UBR3: variants seen among roughly 807,000 people sequenced by gnomAD.
UBR3 encodes E3 ubiquitin-protein ligase UBR3.
A neutral mutation model predicts 243.2 loss-of-function variants in UBR3; 85 were observed. That is an observed-to-expected ratio of 0.35 (90% confidence interval 0.29 to 0.42). The LOEUF (loss-of-function observed/expected upper bound fraction) is 0.42. Among genes scored for constraint, UBR3 ranks in the 10% least tolerant of loss-of-function variants. The pLI, the probability that UBR3 is intolerant of heterozygous loss-of-function variation, is 1.00. For missense variants in UBR3, 1,686 were observed against 2,300.8 expected (o/e 0.73, Z 5.47); for synonymous variants, 748 against 799.8 (o/e 0.94, Z 1.09).
intron 1 of UBR3, among the ~76,000 whole-genome samples, chr2:169,840,290 C>T (rs891517222): frequency 6.6e-6 from 1 of 152,290 alleles, no homozygotes; most frequent in Admixed American, 6.5e-5. Flanking sequence ...GTTTTACTGT[C>T]TGCTCTTTCT....
At chr2:169,872,026 T>C (rs2083455198) in intron 1 of UBR3, among the ~76,000 whole-genome samples, 1 of 152,144 alleles carries the variant, frequency 6.6e-6, no homozygotes, top group African/African-American at 2.4e-5. Context: ...TAACTATTAA[T>C]AGTATGGGTC....
intron 30 of UBR3, among the ~76,000 whole-genome samples, chr2:170,021,174 G>A (rs555012280): frequency 7.2e-5 from 11 of 152,226 alleles, no homozygotes; most frequent in African/African-American, 2.4e-4. Flanking sequence ...TCTATAGATT[G>A]TAAATCTCAA....
intron 30 of UBR3, among the ~76,000 whole-genome samples, 178 bp from the exon 31 acceptor site, chr2:170,029,168 A>G (rs1007132348): frequency 6.6e-6 from 1 of 152,072 alleles, no homozygotes; most frequent in African/African-American, 2.4e-5. Context: ...TTATTTGGAT[A>G]TGTATTTCAG....
intron 1 of UBR3, among the ~76,000 whole-genome samples, chr2:169,859,429 G>A (rs2083008419): frequency 6.6e-6 from 1 of 152,010 alleles, no homozygotes; most frequent in Non-Finnish European, 1.5e-5. Context: ...TTTTGGATCT[G>A]CAATTTTAGT....
intron 1 of UBR3, among the ~76,000 whole-genome samples, chr2:169,830,009 G>A (rs919220762): frequency 6.6e-6 from 1 of 151,502 alleles, no homozygotes; most frequent in Non-Finnish European, 1.5e-5. Flanking sequence ...GCATTTTTTG[G>A]TTATCTTAGA....
At chr2:169,843,758 T>C (rs183353732) in intron 1 of UBR3, among the ~76,000 whole-genome samples, 276 of 152,324 alleles carry the variant, frequency 1.8e-3, no homozygotes, top group African/African-American at 6.3e-3. Flanking sequence ...TTTTCTTCTT[T>C]TGCAATATCT....
In UBR3 at chr2:169,877,571, C is replaced by A. The variant is rs2083663194; in HGVS notation, c.922C>A (p.Pro308Thr). Residue 308 changes from proline (P) to threonine (T), a missense_variant, in exon 4 of 39, where the codon CCT (proline) becomes ACT (threonine). By Grantham distance (38) the Pro-to-Thr change is conservative. Around this residue, in one of 8 missense-constraint regions of UBR3, gnomAD observed 200 missense variants for 231.6 expected, o/e 0.86. Transcript: ENST00000272793. ...TTTAAAGAGCTCTGGACTTACATAT[C>A]CTGAGGATAAGCTTGTATATGGTGT... ...IALKSSGLTYPEDKLVYGVQE... is the reference protein window; with the variant it reads ...IALKSSGLTYTEDKLVYGVQE... 3 of 1,549,574 alleles carry A rather than the reference C, an allele frequency of 1.9e-6. No individual in the cohort carries two copies. Among genetic ancestry groups the A allele is most frequent in the African/African-American group, 2.7e-5 (2 of 72,908 alleles).
At position 169,890,549 on chromosome 2, in the gene UBR3, A is replaced by ATGTGTG. The variant is rs1553504463; in HGVS notation, c.1039-615_1039-614insGTGTGT. Among the ~76,000 whole-genome samples the ATGTGTG allele has an allele frequency of 1.0e-4, 6 of 59,266 alleles. 3 individuals carry two copies. The highest frequency in any genetic ancestry group is 1.3e-3 in the South Asian group (2 of 1,568). The allele number at this position is 59,266 out of a possible 152,430, so 38.9% of individuals were successfully genotyped here. On this transcript the variant is annotated intron_variant, in intron 5 of 38. Coordinates refer to ENST00000272793, the MANE Select transcript of UBR3 (RefSeq NM_172070.4). Reference sequence around the variant, plus strand: ...AGGAGAGAGAGAGAGAGATATATATATATATATATATATATGTGTATATAT... The same window carrying ATGTGTG: ...AGGAGAGAGAGAGAGAGATATATATATGTGTGTATATATATATATATGTGTATATAT...
chr2:170,061,772 T>C (rs2091463082), intron 35 of UBR3, among the ~76,000 whole-genome samples: 1 of 152,184 alleles, frequency 6.6e-6, no homozygotes, highest in East Asian at 1.9e-4. Context: ...TAGCCAAGCC[T>C]TGTTTTTATA....
chr2:169,844,501 T>C (rs2082402158), intron 1 of UBR3, among the ~76,000 whole-genome samples: 1 of 150,956 alleles, frequency 6.6e-6, no homozygotes, highest in South Asian at 2.1e-4. Flanking sequence ...TCTTTTTTTT[T>C]TTTTTTTTTT....
At position 170,048,498 on chromosome 2, in the gene UBR3, G is replaced by A. The variant is rs372486574; in HGVS notation, c.4661-6962G>A. ...TGACTCTTCCTATAGCTTATTGAAC[G>A]TGTACACTTAGCCACCCTATTTAGC... is the stretch of plus-strand genomic sequence containing the variant. On this transcript the variant is annotated intron_variant, in intron 32 of 38. Transcript: ENST00000272793. Among the ~76,000 whole-genome samples, 36 of 152,226 alleles carry A rather than the reference G, an allele frequency of 2.4e-4. No homozygotes were observed. The South Asian group carries it at 7.1e-3, about 30-fold the overall frequency.
At chr2:169,841,838 G>A (rs10175797) in intron 1 of UBR3, among the ~76,000 whole-genome samples, 2 of 152,140 alleles carry the variant, frequency 1.3e-5, no homozygotes, top group African/African-American at 2.4e-5. Context: ...GCTCCTGTGC[G>A]GTCTGAGCTT....
intron 35 of UBR3, 78 bp from the exon 36 acceptor site, chr2:170,073,350 T>G: frequency 1.3e-6 from 2 of 1,521,136 alleles, no homozygotes; most frequent in Non-Finnish European, 1.8e-6. Context: ...TCAAAGTAAT[T>G]GATGAGGGTG....
At chr2:169,881,505 A>G (rs4668178) in intron 5 of UBR3, among the ~76,000 whole-genome samples, 8,638 of 151,516 alleles carry the variant, frequency 0.057, 456 homozygotes, top group African/African-American at 0.14. Flanking sequence ...TTTATAGTTT[A>G]TATATTGATC....
intron 23 of UBR3, among the ~76,000 whole-genome samples, chr2:169,953,478 G>A (rs1397229923): frequency 6.6e-6 from 1 of 152,190 alleles, no homozygotes; most frequent in Admixed American, 6.5e-5. Flanking sequence ...GTAATAAAAT[G>A]CAGCTTCAAT....
chr2:170,068,751 A>G (rs2091634969), intron 35 of UBR3, among the ~76,000 whole-genome samples: 1 of 152,118 alleles, frequency 6.6e-6, no homozygotes, highest in Non-Finnish European at 1.5e-5. Flanking sequence ...AAGAAAAAAA[A>G]AGGAGAGGTG....
rs150008584 is a variant in UBR3, at chr2:169,984,570, G to A, written c.3635-2075G>A. Among the ~76,000 whole-genome samples, 1,292 of 152,188 alleles carry A rather than the reference G, an allele frequency of 8.5e-3. 23 individuals are homozygous for A. The highest frequency in any genetic ancestry group is 0.029 in the African/African-American group (1,206 of 41,518). On this transcript the variant is annotated intron_variant, in intron 24 of 38. Coordinates refer to ENST00000272793, the MANE Select transcript of UBR3 (RefSeq NM_172070.4). ...GTTATTTATTTTTTCATATCTCACAGATAAGTGAGAAACTATAATCACATT... is the reference window on the plus strand; with the variant it reads ...GTTATTTATTTTTTCATATCTCACAAATAAGTGAGAAACTATAATCACATT...
rs1431185704 is a variant in UBR3, at chr2:169,854,845, G to A, written c.546-17391G>A. ...ATAGAGAGTATTTAAGGGATTATGT[G>A]TTGAGATTAGGAAGAGGTTAAAAAG... On this transcript the variant is annotated intron_variant, in intron 1 of 38. Transcript: ENST00000272793. 6.6e-5 allele frequency among the ~76,000 whole-genome samples: 10 copies of A among 152,204 alleles called. No homozygotes were observed. The East Asian group carries it at 1.9e-3, about 29-fold the overall frequency.
At chr2:169,981,762 G>C (rs780081071) in intron 24 of UBR3, among the ~76,000 whole-genome samples, 3 of 152,036 alleles carry the variant, frequency 2.0e-5, no homozygotes, top group East Asian at 3.9e-4. Context: ...GAAACTGTGG[G>C]GGGGAGGGTA....
Sources: allele counts gnomAD v4.1 joint callset (sites outside exome capture counted in the v4.1 genomes callset), GRCh38; gene constraint gnomAD v4.1.1; regional missense constraint gnomAD v4.1.1; transcripts MANE v1.5; gene names NCBI Gene and HGNC (gene_info 2026-07-23, HGNC 2026-07-21).